SEMA3C: variants seen among roughly 807,000 people sequenced by gnomAD.
The protein encoded by SEMA3C is semaphorin 3C.
A neutral mutation model predicts 89.4 loss-of-function variants in SEMA3C; 47 were observed. The ratio of observed to expected loss-of-function variants is 0.53; its 90% confidence interval spans 0.42 to 0.67. The LOEUF is 0.67. SEMA3C is among the 30% of genes least tolerant of loss of function. SEMA3C has a pLI of 0.00. For synonymous variants in SEMA3C, 310 were observed against 320.2 expected (o/e 0.97, Z 0.34); for missense variants, 839 against 929.1 (o/e 0.90, Z 1.26).
At chr7:80,875,661 A>G (rs575286686) in intron 2 of SEMA3C, among the ~76,000 whole-genome samples, 3 of 152,016 alleles carry the variant, frequency 2.0e-5, no homozygotes, top group African/African-American at 7.3e-5. Flanking sequence ...GAGCATATCC[A>G]CTACCCGCCT....
chr7:80,767,778 A>C (rs1416931871), intron 12 of SEMA3C, among the ~76,000 whole-genome samples: 2 of 150,318 alleles, frequency 1.3e-5, no homozygotes, highest in Non-Finnish European at 3.0e-5. Flanking sequence ...GAAATCATTT[A>C]GTGAGTAATA....
intron 2 of SEMA3C, among the ~76,000 whole-genome samples, chr7:80,906,967 G>A (rs143370896): frequency 1.3e-5 from 2 of 152,098 alleles, no homozygotes; most frequent in East Asian, 3.9e-4. Context: ...AATAACCAAA[G>A]GTTATAATAC....
chr7:80,835,077 C>A (rs1790094400), intron 2 of SEMA3C, among the ~76,000 whole-genome samples: 1 of 152,074 alleles, frequency 6.6e-6, no homozygotes, highest in African/African-American at 2.4e-5. Flanking sequence ...ACTACATTGT[C>A]TTCAGCCTTT....
intron 2 of SEMA3C, among the ~76,000 whole-genome samples, chr7:80,863,299 T>A: frequency 6.9e-6 from 1 of 144,010 alleles, no homozygotes; most frequent in Non-Finnish European, 1.5e-5. Context: ...CACAATGGAA[T>A]ACCACCTTAC....
chr7:80,862,951 A>G (rs1013586083), intron 2 of SEMA3C, among the ~76,000 whole-genome samples: 8 of 152,228 alleles, frequency 5.3e-5, no homozygotes, highest in Non-Finnish European at 8.8e-5. Context: ...CTCAAGATGG[A>G]TTAATGACTT....
intron 16 of SEMA3C, among the ~76,000 whole-genome samples, chr7:80,749,757 G>C (rs1787883700): frequency 6.6e-6 from 1 of 152,096 alleles, no homozygotes; most frequent in Non-Finnish European, 1.5e-5. Flanking sequence ...CTTAGACATG[G>C]ACAGAATCCT....
At chr7:80,778,179 T>C (rs1788594947) in intron 12 of SEMA3C, among the ~76,000 whole-genome samples, 1 of 152,218 alleles carries the variant, frequency 6.6e-6, no homozygotes, top group South Asian at 2.1e-4. Flanking sequence ...GCCTCAGCAA[T>C]CACTAAAATT....
chr7:80,902,029 T>G (rs1372882201), intron 2 of SEMA3C, among the ~76,000 whole-genome samples: 1 of 152,200 alleles, frequency 6.6e-6, no homozygotes, highest in East Asian at 1.9e-4. Context: ...CACAGCTCAC[T>G]GCACTCTTTG....
intron 2 of SEMA3C, among the ~76,000 whole-genome samples, chr7:80,843,652 C>G (rs1790323333): frequency 1.3e-5 from 2 of 152,080 alleles, no homozygotes; most frequent in Non-Finnish European, 2.9e-5. Context: ...ACAAGAGTTT[C>G]AATTTTAAAC....
chr7:80,768,406 C>T (rs527895443), intron 12 of SEMA3C, among the ~76,000 whole-genome samples: 17 of 151,742 alleles, frequency 1.1e-4, no homozygotes, highest in East Asian at 5.9e-4. Context: ...CCTAGCTACG[C>T]GGGAGGCTGA....
chr7:80,774,202 T>C (rs1788495987), intron 12 of SEMA3C, among the ~76,000 whole-genome samples: 1 of 152,114 alleles, frequency 6.6e-6, no homozygotes, highest in African/African-American at 2.4e-5. Context: ...GATCAGCTAA[T>C]AATAAAGTGC....
At chr7:80,883,288 C>T (rs1478822385) in intron 2 of SEMA3C, among the ~76,000 whole-genome samples, 1 of 152,210 alleles carries the variant, frequency 6.6e-6, no homozygotes, top group African/African-American at 2.4e-5. Flanking sequence ...AAGCAGGTTA[C>T]GTCACACATG....
intron 2 of SEMA3C, among the ~76,000 whole-genome samples, chr7:80,851,524 A>G (rs1790512573): frequency 6.7e-6 from 1 of 150,026 alleles, no homozygotes; most frequent in Non-Finnish European, 1.5e-5. Flanking sequence ...AAAAAAAAAA[A>G]AAAAAAAGAC....
intron 12 of SEMA3C, among the ~76,000 whole-genome samples, chr7:80,767,724 A>G (rs1788335573): frequency 6.6e-6 from 1 of 152,214 alleles, no homozygotes; most frequent in Non-Finnish European, 1.5e-5. Flanking sequence ...AAAATGTCAT[A>G]AGAAGAATTA....
intron 12 of SEMA3C, among the ~76,000 whole-genome samples, chr7:80,777,713 G>A (rs1346913522): frequency 6.6e-6 from 1 of 152,190 alleles, no homozygotes; most frequent in Admixed American, 6.5e-5. Context: ...TTTTACAGGT[G>A]CACACACATG....
intron 2 of SEMA3C, among the ~76,000 whole-genome samples, chr7:80,842,377 T>A (rs1790289540): frequency 6.6e-6 from 1 of 152,170 alleles, no homozygotes; most frequent in Admixed American, 6.6e-5. Flanking sequence ...TTGCTGTTTT[T>A]GCTCTGGAAA....
chr7:80,902,824 G>A (rs987071119), intron 2 of SEMA3C, among the ~76,000 whole-genome samples: 1 of 152,054 alleles, frequency 6.6e-6, no homozygotes, highest in Non-Finnish European at 1.5e-5. Context: ...CTTGTGTGTT[G>A]TTGAGTATAC....
intron 2 of SEMA3C, among the ~76,000 whole-genome samples, chr7:80,912,389 A>G (rs1792174004): frequency 1.3e-5 from 2 of 152,196 alleles, no homozygotes; most frequent in Middle Eastern, 3.2e-3. Flanking sequence ...TACATTTCTT[A>G]GCAATTCTTC....
intron 2 of SEMA3C, among the ~76,000 whole-genome samples, chr7:80,877,828 T>C (rs1388302391): frequency 6.6e-6 from 1 of 152,186 alleles, no homozygotes; most frequent in African/African-American, 2.4e-5. Flanking sequence ...AGAGATAATT[T>C]CTGACGTGTG....
Sources: allele counts gnomAD v4.1 joint callset (sites outside exome capture counted in the v4.1 genomes callset), GRCh38; gene constraint gnomAD v4.1.1; transcripts MANE v1.5; gene names NCBI Gene and HGNC (gene_info 2026-07-23, HGNC 2026-07-21).